Variants in BDH2 observed in about 807,000 individuals in gnomAD.
The protein encoded by BDH2 is dehydrogenase/reductase SDR family member 6.
Under a neutral mutation model 33.2 loss-of-function variants are expected in BDH2, and 24 were observed. The ratio of observed to expected loss-of-function variants is 0.72; its 90% CI spans 0.52 to 1.02. The LOEUF (loss-of-function observed/expected upper bound fraction) is 1.02. BDH2 is among the 50% of genes least tolerant of loss of function. BDH2 has a pLI of 0.00. For missense variants in BDH2, 249 were observed against 301.6 expected (o/e 0.83, Z 1.29); for synonymous variants, 81 against 101.6 (o/e 0.80, Z 1.22).
intron 4 of BDH2, chr4:103,091,767 A>G (rs886635012): frequency 6.6e-6 from 3 of 455,794 alleles, no homozygotes; most frequent in African/African-American, 6.0e-5. Flanking sequence ...GAGAGAGAGA[A>G]AAAACATCTG....
intron 3 of BDH2, among the ~76,000 whole-genome samples, chr4:103,094,140 A>C (rs1042495444): frequency 1.2e-4 from 19 of 152,042 alleles, no homozygotes; most frequent in African/African-American, 4.3e-4. Context: ...TAATCTGGGT[A>C]CTCTCTTAGG....
At chr4:103,084,567 G>A (rs1272722498) in intron 7 of BDH2, among the ~76,000 whole-genome samples, 1 of 152,140 alleles carries the variant, frequency 6.6e-6, no homozygotes, top group Non-Finnish European at 1.5e-5. Context: ...ATTCCACTGG[G>A]TAAATGGCAC....
intron 7 of BDH2, among the ~76,000 whole-genome samples, chr4:103,084,133 T>C (rs546119106): frequency 6.6e-6 from 1 of 152,324 alleles, no homozygotes; most frequent in South Asian, 2.1e-4. Context: ...AAGTCCACAG[T>C]TTTACCAACA....
At chr4:103,085,842 A>C in intron 6 of BDH2, 2 of 1,263,310 alleles carry the variant, frequency 1.6e-6, no homozygotes, top group Non-Finnish European at 1.0e-6. Context: ...GTGTATGTTG[A>C]ATATGTGTAT....
chr4:103,085,256 G>T, intron 7 of BDH2, 93 bp downstream of exon 7: 2 of 927,386 alleles, frequency 2.2e-6, no homozygotes, highest in Non-Finnish European at 3.3e-6. Context: ...TGCCTTTGTA[G>T]CATGAAAACA....
intron 6 of BDH2, chr4:103,085,795 AACAG>A: frequency 7.6e-7 from 1 of 1,307,798 alleles, no homozygotes; most frequent in Non-Finnish European, 1.0e-6. Context: ...AAAACAATAA[AACAG>A]GAGGCCTAGG....
chr4:103,077,819 C>A lies in BDH2; in HGVS notation c.*1883G>T, dbSNP rs1386407609. Among the ~76,000 whole-genome samples the A allele has an allele frequency of 6.6e-6, 1 of 152,076 alleles. No homozygotes were observed. The highest frequency in any genetic ancestry group is 1.5e-5 in the Non-Finnish European group (1 of 68,000). On this transcript the variant is annotated 3_prime_UTR_variant, in exon 10 of 10. Coordinates refer to ENST00000296424, the MANE Select transcript of BDH2 (RefSeq NM_020139.4). ...TAGCTTAACTCCTTAATTTCATAAA[C>A]CAGAAAACTAAAATCCAAGATAGAT...
chr4:103,085,537 G>A, intron 6 of BDH2, 75 bp from the exon 7 acceptor site: 1 of 1,447,830 alleles, frequency 6.9e-7, no homozygotes, highest in Non-Finnish European at 9.4e-7. Flanking sequence ...ACACAAATAA[G>A]TTTTCCCAGT....
Position 103,079,580 on chromosome 4 carries a change from A to C in BDH2, c.*122T>G. 1.1e-6 allele frequency: 1 copy of C among 920,614 alleles called. No homozygotes were observed. Among genetic ancestry groups the C allele is most frequent in the Admixed American group, 2.1e-5 (1 of 46,752 alleles). The allele number at this position is 920,614 out of a possible 1,614,324, so 57.0% of individuals were successfully genotyped here. A position where few individuals can be genotyped will look rare whatever the true frequency, so the allele number is the denominator to read the frequency against. On this transcript the variant is annotated 3_prime_UTR_variant, in exon 10 of 10. Coordinates refer to ENST00000296424, the MANE Select transcript of BDH2 (RefSeq NM_020139.4). Reference sequence around the variant, plus strand: ...TCTTGCAAACAGTGACATCATTAAAAAGAGCTTATTTTCATTAACATGTGA... The same window carrying C: ...TCTTGCAAACAGTGACATCATTAAACAGAGCTTATTTTCATTAACATGTGA...
At chr4:103,089,926 A>G (rs1178537018) in intron 5 of BDH2, among the ~76,000 whole-genome samples, 2 of 152,166 alleles carry the variant, frequency 1.3e-5, no homozygotes, top group African/African-American at 2.4e-5. Flanking sequence ...AAACAAGTAG[A>G]TTTTTCAAAG....
chr4:103,096,008 C>G (rs1748385836), intron 2 of BDH2, among the ~76,000 whole-genome samples, 175 bp downstream of exon 2: 1 of 152,122 alleles, frequency 6.6e-6, no homozygotes, highest in African/African-American at 2.4e-5. Flanking sequence ...TGCCTGGGGT[C>G]AGGAGTAGGG....
chr4:103,083,398 C>T (rs1463492312), intron 7 of BDH2, among the ~76,000 whole-genome samples: 1 of 152,134 alleles, frequency 6.6e-6, no homozygotes, highest in Admixed American at 6.5e-5. Context: ...GGGGACAATC[C>T]CATGGCTACC....
In BDH2 at chr4:103,096,201, A is replaced by T. The variant is rs1578511506; in HGVS notation, c.54T>A (p.Ile18=). Residue 18 remains isoleucine, a synonymous_variant, in exon 2 of 10, where the codon ATT becomes ATA. Transcript: ENST00000296424. ...VIILTAAAQG[I]GQAAALAFAR... The stretch of plus-strand genomic sequence containing the variant: ...AACTTACTAAGGCAGCTGCTTGGCC[A>T]ATCCCCTGAGCAGCGGCCGTCAGGA... The T allele has an allele frequency of 6.2e-7, 1 of 1,613,184 alleles. No homozygotes were observed. The highest frequency in any genetic ancestry group is 8.5e-7 in the Non-Finnish European group (1 of 1,179,226).
chr4:103,097,920 T>C (rs934713514), intron 1 of BDH2, among the ~76,000 whole-genome samples: 3 of 152,262 alleles, frequency 2.0e-5, no homozygotes, highest in African/African-American at 7.2e-5. Context: ...TCCTTTCTCT[T>C]TGAACTTATT....
intron 6 of BDH2, chr4:103,086,040 TC>T: frequency 8.7e-7 from 1 of 1,150,902 alleles, no homozygotes; most frequent in South Asian, 1.9e-5. Flanking sequence ...GGCAGTTATT[TC>T]CCTGTATTTT....
chr4:103,091,667 C>T (rs904264126), intron 4 of BDH2: 1 of 454,524 alleles, frequency 2.2e-6, no homozygotes, highest in Non-Finnish European at 4.4e-6. Flanking sequence ...ACCACTTGAG[C>T]CCAGGAGTTT....
intron 4 of BDH2, chr4:103,091,756 A>AT: frequency 2.2e-6 from 1 of 454,878 alleles, no homozygotes; most frequent in Non-Finnish European, 4.4e-6. Context: ...GAAAAAAAAA[A>AT]GAGAGAGAGA....
intron 9 of BDH2, among the ~76,000 whole-genome samples, chr4:103,081,302 T>C (rs1560568849): frequency 6.6e-6 from 1 of 152,188 alleles, no homozygotes; most frequent in Non-Finnish European, 1.5e-5. Flanking sequence ...TTTTTAAAAA[T>C]ATTTATTTAT....
At chr4:103,092,565 T>C (rs1748156976) in intron 4 of BDH2, 35 bp downstream of exon 4, 2 of 1,438,144 alleles carry the variant, frequency 1.4e-6, no homozygotes, top group South Asian at 1.2e-5. Context: ...GAAAACTTTC[T>C]GTAAGGAAAG....
Sources: allele counts gnomAD v4.1 joint callset (sites outside exome capture counted in the v4.1 genomes callset), GRCh38; gene constraint gnomAD v4.1.1; transcripts MANE v1.5; gene names NCBI Gene and HGNC (gene_info 2026-07-23, HGNC 2026-07-21).